The following PANX1 variants were observed in gnomAD, a reference collection of about 807,000 sequenced individuals.
PANX1 encodes pannexin 1, also known as pannexin-1.
A neutral mutation model predicts 38.7 loss-of-function variants in PANX1; 30 were observed. The observed-to-expected ratio is 0.78, with a 90% CI of 0.58 to 1.05. PANX1 has a LOEUF of 1.05. Among genes scored for constraint, PANX1 ranks in the 50% least tolerant of loss-of-function variants. PANX1 has a pLI of 0.00. For missense variants in PANX1, 551 were observed against 517.2 expected (o/e 1.07, Z -0.63); for synonymous variants, 230 against 212.2 (o/e 1.08, Z -0.73).
chr11:94,170,676 C>T (rs150673222), intron 2 of PANX1, among the ~76,000 whole-genome samples: 16 of 151,858 alleles, frequency 1.1e-4, no homozygotes, highest in Non-Finnish European at 2.1e-4. Context: ...GCTCCGAGGG[C>T]CAGAGTGATC....
intron 2 of PANX1, among the ~76,000 whole-genome samples, chr11:94,169,198 A>G (rs1947136037): frequency 6.6e-6 from 1 of 151,522 alleles, no homozygotes; most frequent in South Asian, 2.1e-4. Flanking sequence ...GATTATATGT[A>G]GACAGGGGCA....
At chr11:94,162,718 C>G (rs1349300221) in intron 2 of PANX1, among the ~76,000 whole-genome samples, 2 of 152,160 alleles carry the variant, frequency 1.3e-5, no homozygotes, top group Non-Finnish European at 2.9e-5. Flanking sequence ...GCGCGGCACC[C>G]ACTGTCCTGC....
At chr11:94,155,072 T>C (rs751289841) in intron 2 of PANX1, among the ~76,000 whole-genome samples, 3 of 149,780 alleles carry the variant, frequency 2.0e-5, no homozygotes, top group Non-Finnish European at 4.4e-5. Flanking sequence ...CAGGCGTGGC[T>C]GGGTGCGGTG....
At chr11:94,134,768 G>A (rs1320908402) in intron 1 of PANX1, among the ~76,000 whole-genome samples, 1 of 151,810 alleles carries the variant, frequency 6.6e-6, no homozygotes, top group Non-Finnish European at 1.5e-5. Flanking sequence ...AAAGGTGTGT[G>A]AGCACGCTGG....
rs1025628057 is a variant in PANX1, at chr11:94,159,808, A to T, written c.321+6178A>T. Among the ~76,000 whole-genome samples, 7 of 151,090 alleles carry T rather than the reference A, an allele frequency of 4.6e-5. No individual in the cohort carries two copies. In the East Asian group the frequency reaches 1.2e-3, roughly 25 times the overall value. On this transcript the variant is annotated intron_variant, in intron 2 of 4. Coordinates refer to ENST00000227638, the MANE Select transcript of PANX1 (RefSeq NM_015368.4). ...TTGCTCTTGCTTCTCTAGTTCTTTTAATTGTGATGTTAGCGTGTCAATTTT... is the reference window on the plus strand; with the variant it reads ...TTGCTCTTGCTTCTCTAGTTCTTTTTATTGTGATGTTAGCGTGTCAATTTT...
At chr11:94,162,373 C>T (rs1475835932) in intron 2 of PANX1, among the ~76,000 whole-genome samples, 2 of 152,182 alleles carry the variant, frequency 1.3e-5, no homozygotes, top group Non-Finnish European at 2.9e-5. Flanking sequence ...CCACCCATTT[C>T]GAGTTTCCTG....
Position 94,162,015 on chromosome 11 carries a change from C to T in PANX1, c.321+8385C>T, listed in dbSNP as rs141534792. 6.5e-3 allele frequency among the ~76,000 whole-genome samples: 989 copies of T among 152,278 alleles called. 9 individuals are homozygous for T. The highest frequency in any genetic ancestry group is 0.022 in the African/African-American group (893 of 41,534). On this transcript the variant is annotated intron_variant, in intron 2 of 4. Coordinates refer to ENST00000227638, the MANE Select transcript of PANX1 (RefSeq NM_015368.4). ...ACCCTGTTTGCCTGGGTATCAGCATCGGAGGCTGCAGAACAGCAGATACTG... is the reference window on the plus strand; with the variant it reads ...ACCCTGTTTGCCTGGGTATCAGCATTGGAGGCTGCAGAACAGCAGATACTG...
chr11:94,175,226 T>G (rs1947219355), intron 2 of PANX1, among the ~76,000 whole-genome samples: 1 of 151,766 alleles, frequency 6.6e-6, no homozygotes, highest in Admixed American at 6.5e-5. Flanking sequence ...TACTACATTT[T>G]TATAGAATCA....
At chr11:94,134,367 G>C (rs1196743594) in intron 1 of PANX1, among the ~76,000 whole-genome samples, 1 of 152,208 alleles carries the variant, frequency 6.6e-6, no homozygotes, top group Non-Finnish European at 1.5e-5. Context: ...ACAGCTTTGT[G>C]TAGAATATAA....
At chr11:94,147,390 T>C (rs1565375473) in intron 1 of PANX1, among the ~76,000 whole-genome samples, 1 of 152,196 alleles carries the variant, frequency 6.6e-6, no homozygotes, top group African/African-American at 2.4e-5. Flanking sequence ...GAACTTTTTT[T>C]CCACCCAACA....
At chr11:94,169,183 G>C (rs1947135775) in intron 2 of PANX1, among the ~76,000 whole-genome samples, 2 of 151,546 alleles carry the variant, frequency 1.3e-5, no homozygotes, top group African/African-American at 4.9e-5. Context: ...TGTTTCTTAG[G>C]GGGTGATTAT....
intron 1 of PANX1, among the ~76,000 whole-genome samples, chr11:94,148,483 T>A (rs1210562045): frequency 6.6e-6 from 1 of 152,248 alleles, no homozygotes; most frequent in East Asian, 1.9e-4. Context: ...GTTGGTGTTC[T>A]GGGTTTGTTT....
chr11:94,130,231 C>T (rs1390688924), intron 1 of PANX1, among the ~76,000 whole-genome samples: 2 of 151,956 alleles, frequency 1.3e-5, no homozygotes, highest in East Asian at 1.9e-4. Context: ...GAAGGTAGCG[C>T]AGGAGGGTTA....
At chr11:94,130,703 T>A (rs1674412421) in intron 1 of PANX1, among the ~76,000 whole-genome samples, 1 of 151,254 alleles carries the variant, frequency 6.6e-6, no homozygotes, top group Admixed American at 6.6e-5. Flanking sequence ...GATCAAGGAG[T>A]AAATAAGCAG....
chr11:94,178,965 A>C (rs1052257844), intron 3 of PANX1, among the ~76,000 whole-genome samples: 2 of 152,210 alleles, frequency 1.3e-5, no homozygotes, highest in South Asian at 2.1e-4. Context: ...GCAGCTGAGC[A>C]AGGGATGAGA....
intron 2 of PANX1, among the ~76,000 whole-genome samples, chr11:94,164,517 T>A (rs1323040178): frequency 6.6e-6 from 1 of 152,220 alleles, no homozygotes; most frequent in African/African-American, 2.4e-5. Context: ...GTTTCTCTTG[T>A]CATTGATTTC....
In PANX1 at chr11:94,153,527, C is replaced by G. The variant is rs187445142; in HGVS notation, c.218C>G (p.Ser73Cys). The change falls in exon 2 of 5, where the codon TCC (serine) becomes TGC (cysteine). Residue 73 changes from serine to cysteine, a missense_variant. Ser to Cys is a moderately radical substitution (Grantham distance 112). Transcript: ENST00000227638. ...AGCTGTTTCTCTCCAAGTTCTTTCT[C>G]CTGGCGTCAGGCTGCCTTTGTGGAT... The part of the protein sequence containing the change: ...QISCFSPSSF[S>C]WRQAAFVDSY... 2 of 1,614,154 alleles carry G rather than the reference C, an allele frequency of 1.2e-6. No individual in the cohort carries two copies. Among genetic ancestry groups the G allele is most frequent in the African/African-American group, 2.7e-5 (2 of 75,052 alleles).
intron 2 of PANX1, among the ~76,000 whole-genome samples, chr11:94,156,961 G>A (rs531171666): frequency 6.6e-6 from 1 of 151,612 alleles, no homozygotes. Flanking sequence ...CCAACTATGA[G>A]CAAGAACATG....
At chr11:94,139,401 A>G (rs1222210826) in intron 1 of PANX1, among the ~76,000 whole-genome samples, 1 of 152,270 alleles carries the variant, frequency 6.6e-6, no homozygotes, top group African/African-American at 2.4e-5. Flanking sequence ...CATTATCAGC[A>G]GGATCCTTAC....
Sources: allele counts gnomAD v4.1 joint callset (sites outside exome capture counted in the v4.1 genomes callset), GRCh38; gene constraint gnomAD v4.1.1; transcripts MANE v1.5; gene names NCBI Gene and HGNC (gene_info 2026-07-23, HGNC 2026-07-21).